Variants in PLSCR2 observed in about 807,000 individuals in gnomAD.
The protein encoded by PLSCR2 is phospholipid scramblase 2.
PLSCR2 carries 18 observed loss-of-function variants against 25.3 expected under a neutral mutation model. The observed-to-expected ratio is 0.71, with a 90% CI of 0.49 to 1.06. The LOEUF (loss-of-function observed/expected upper bound fraction) is 1.06. PLSCR2 is among the 50% of genes least tolerant of loss of function. The pLI, the probability that PLSCR2 is intolerant of heterozygous loss-of-function variation, is 0.00. For synonymous variants in PLSCR2, 88 were observed against 87.3 expected (o/e 1.01, Z -0.04); for missense variants, 243 against 269.5 (o/e 0.90, Z 0.69).
At chr3:146,395,946 T>C (rs1231421281) in intron 2 of PLSCR2, 3 of 309,294 alleles carry the variant, frequency 9.7e-6, no homozygotes, top group Non-Finnish European at 1.9e-5. Flanking sequence ...TATATAATCT[T>C]AGGATAAAAA....
intron 1 of PLSCR2, among the ~76,000 whole-genome samples, chr3:146,493,629 C>T (rs146486767): frequency 2.6e-5 from 4 of 151,954 alleles, no homozygotes; most frequent in African/African-American, 9.7e-5. Flanking sequence ...AAAGAATATA[C>T]CTCAAAATAA....
chr3:146,393,745 G>T (rs1436191714), intron 3 of PLSCR2, among the ~76,000 whole-genome samples: 1 of 144,538 alleles, frequency 6.9e-6, no homozygotes, highest in East Asian at 2.1e-4. Context: ...GGAGGCAGAG[G>T]TTGCAGTGAG....
At chr3:146,439,641 T>A (rs2040113067), downstream of PLSCR2, among the ~76,000 whole-genome samples, 1 of 152,212 alleles carries the variant, frequency 6.6e-6, no homozygotes, top group Admixed American at 6.5e-5. Context: ...AGGTCTTCTT[T>A]ATGCTGTTTA....
intron 2 of PLSCR2, among the ~76,000 whole-genome samples, chr3:146,397,126 T>A (rs1016440296): frequency 6.6e-6 from 1 of 152,204 alleles, no homozygotes; most frequent in African/African-American, 2.4e-5. Context: ...TTTCTCTCAT[T>A]TGGCTCTGTT....
At chr3:146,477,719 G>C (rs2042969262) in intron 1 of PLSCR2, among the ~76,000 whole-genome samples, 1 of 152,238 alleles carries the variant, frequency 6.6e-6, no homozygotes, top group Non-Finnish European at 1.5e-5. Flanking sequence ...TGACAGCTCT[G>C]AAGAGAGCAG....
chr3:146,461,786 C>A, upstream of PLSCR2: 1 of 724,708 alleles, frequency 1.4e-6, no homozygotes, highest in Non-Finnish European at 2.5e-6. Context: ...TCTAGGGAGA[C>A]CCTTAGTAAG....
intron 2 of PLSCR2, among the ~76,000 whole-genome samples, chr3:146,414,568 C>T (rs1256003615): frequency 1.3e-5 from 2 of 151,146 alleles, no homozygotes; most frequent in South Asian, 2.1e-4. Flanking sequence ...GTTTTAGAAT[C>T]GCTAACGCAT....
intron 2 of PLSCR2, among the ~76,000 whole-genome samples, chr3:146,399,559 C>T (rs1263165258): frequency 2.0e-5 from 3 of 151,580 alleles, no homozygotes; most frequent in African/African-American, 7.2e-5. Flanking sequence ...GTAGTTGTAT[C>T]TAAAAAGGAA....
chr3:146,469,607 T>G (rs932718231), intron 1 of PLSCR2, 46 bp from the exon 1 acceptor site: 9 of 984,288 alleles, frequency 9.1e-6, no homozygotes, highest in Admixed American at 1.2e-4. Context: ...CTCCCGGAAG[T>G]CGGCGGAAAA....
chr3:146,469,238 G>A (rs2042005042), intron 1 of PLSCR2: 5 of 985,638 alleles, frequency 5.1e-6, no homozygotes, highest in South Asian at 4.7e-5. Context: ...TAGCTAAGGG[G>A]AAGCTGAGCC....
chr3:146,476,296 AG>A (rs2042281830), intron 1 of PLSCR2, among the ~76,000 whole-genome samples: 1 of 152,200 alleles, frequency 6.6e-6, no homozygotes, highest in Non-Finnish European at 1.5e-5. Context: ...CACATGGGGC[AG>A]GGGGAGCTCC....
At chr3:146,490,593 A>G (rs1343575309) in intron 1 of PLSCR2, among the ~76,000 whole-genome samples, 2 of 152,104 alleles carry the variant, frequency 1.3e-5, no homozygotes, top group Non-Finnish European at 2.9e-5. Flanking sequence ...TGTTGAATTG[A>G]ACACTTTCTT....
chr3:146,488,923 C>T (rs1455473750), intron 1 of PLSCR2, among the ~76,000 whole-genome samples: 2 of 152,138 alleles, frequency 1.3e-5, no homozygotes, highest in African/African-American at 4.8e-5. Flanking sequence ...AACCCAAATG[C>T]TCATCAATGA....
chr3:146,482,296 G>T (rs2043157869), intron 1 of PLSCR2, among the ~76,000 whole-genome samples: 1 of 152,082 alleles, frequency 6.6e-6, no homozygotes, highest in African/African-American at 2.4e-5. Context: ...GCAACCTACA[G>T]AATGGGAGAA....
downstream of PLSCR2, among the ~76,000 whole-genome samples, chr3:146,440,253 T>C (rs1442988600): frequency 6.6e-6 from 1 of 152,196 alleles, no homozygotes; most frequent in Non-Finnish European, 1.5e-5. Flanking sequence ...GTCTGTCCAT[T>C]CTCAGATCTC....
intron 2 of PLSCR2, among the ~76,000 whole-genome samples, chr3:146,398,490 A>C (rs2038347889): frequency 6.6e-6 from 1 of 150,712 alleles, no homozygotes; most frequent in Non-Finnish European, 1.5e-5. Flanking sequence ...GCTTTTAAAT[A>C]AGGACGCTGT....
At chr3:146,469,655 G>A in intron 1 of PLSCR2, 94 bp from the exon 1 acceptor site, 3 of 764,084 alleles carry the variant, frequency 3.9e-6, no homozygotes, top group Non-Finnish European at 4.8e-6. Flanking sequence ...ACCTGCAGCA[G>A]CCCCTAGTTT....
At chr3:146,439,810 G>A (rs541518284), downstream of PLSCR2, among the ~76,000 whole-genome samples, 18 of 152,232 alleles carry the variant, frequency 1.2e-4, no homozygotes, top group African/African-American at 4.3e-4. Context: ...TTGTTCCATT[G>A]CTGGCGAGGA....
At chr3:146,450,336 C>G (rs2040820177) in intron 5 of PLSCR2, among the ~76,000 whole-genome samples, 1 of 152,186 alleles carries the variant, frequency 6.6e-6, no homozygotes, top group African/African-American at 2.4e-5. Context: ...TGTAGGGAAA[C>G]TGAAAACATT....
Sources: allele counts gnomAD v4.1 joint callset (sites outside exome capture counted in the v4.1 genomes callset), GRCh38; gene constraint gnomAD v4.1.1; transcripts MANE v1.5; gene names NCBI Gene and HGNC (gene_info 2026-07-23, HGNC 2026-07-21).